FRMD4B: variants seen among roughly 807,000 people sequenced by gnomAD.
FRMD4B encodes FERM domain-containing protein 4B.
In FRMD4B, 74 loss-of-function variants were observed where a neutral mutation model predicts 141.5. That is an observed-to-expected ratio of 0.52 (90% CI 0.43 to 0.63). The LOEUF is 0.63. Among genes scored for constraint, FRMD4B ranks in the 30% least tolerant of loss-of-function variants. The pLI is 0.00. For missense variants in FRMD4B, 1,366 were observed against 1,253.4 expected (o/e 1.09, Z -1.36); for synonymous variants, 506 against 467.9 (o/e 1.08, Z -1.05).
chr3:69,172,059 G>T, intron 22 of FRMD4B, 78 bp from the exon 23 acceptor site: 4 of 1,372,536 alleles, frequency 2.9e-6, no homozygotes, highest in Non-Finnish European at 4.1e-6. Context: ...TACATTTAAA[G>T]AAGTTAGTAG....
chr3:69,517,601 C>T (rs984959838), intron 1 of FRMD4B, among the ~76,000 whole-genome samples: 6 of 152,078 alleles, frequency 3.9e-5, no homozygotes, highest in East Asian at 1.9e-4. Flanking sequence ...CCCCAAATAA[C>T]GGATTAATGC....
chr3:69,480,008 A>T (rs1706090128), intron 1 of FRMD4B, among the ~76,000 whole-genome samples: 1 of 152,210 alleles, frequency 6.6e-6, no homozygotes, highest in East Asian at 1.9e-4. Context: ...TCTGCTCCTG[A>T]GGCTTCTGCA....
intron 2 of FRMD4B, among the ~76,000 whole-genome samples, chr3:69,417,747 C>T (rs949157002): frequency 6.6e-6 from 1 of 152,092 alleles, no homozygotes; most frequent in East Asian, 1.9e-4. Context: ...TTAAAATGGC[C>T]GAAATTTATC....
chr3:69,420,305 A>AAAAAC (rs397969011), intron 2 of FRMD4B, among the ~76,000 whole-genome samples: 7 of 150,966 alleles, frequency 4.6e-5, no homozygotes, highest in African/African-American at 1.7e-4. Flanking sequence ...AAAAAAAAAA[A>AAAAAC]CAACCAAAAC....
chr3:69,394,296 C>T (rs1247085834), intron 2 of FRMD4B, among the ~76,000 whole-genome samples: 1 of 152,222 alleles, frequency 6.6e-6, no homozygotes, highest in East Asian at 1.9e-4. Flanking sequence ...ACGGCCTTAT[C>T]CAAGCCCAAT....
At chr3:69,495,409 C>G (rs1286780935) in intron 1 of FRMD4B, among the ~76,000 whole-genome samples, 1 of 152,240 alleles carries the variant, frequency 6.6e-6, no homozygotes, top group East Asian at 1.9e-4. Flanking sequence ...GTTGGCTGCA[C>G]AAATACACCA....
At chr3:69,364,841 T>C (rs17005687) in intron 1 of FRMD4B, among the ~76,000 whole-genome samples, 33,449 of 151,748 alleles carry the variant, frequency 0.22, 4,615 homozygotes, top group African/African-American at 0.39. Flanking sequence ...AGCATTCTGT[T>C]CTCCTACCCC....
intron 1 of FRMD4B, among the ~76,000 whole-genome samples, chr3:69,344,992 G>A (rs1266505740): frequency 6.9e-6 from 1 of 145,836 alleles, no homozygotes; most frequent in Non-Finnish European, 1.5e-5. Context: ...AGTGGGTGCA[G>A]GACAGTGGGT....
At chr3:69,216,429 C>CT (rs397990009) in intron 10 of FRMD4B, 80 bp from the exon 11 acceptor site, 41,035 of 374,646 alleles carry the variant, frequency 0.11, 55 homozygotes, top group South Asian at 0.17. Context: ...AATTTCACCT[C>CT]TTTTTTTTTT....
chr3:69,200,611 T>C, intron 11 of FRMD4B: 2 of 1,195,372 alleles, frequency 1.7e-6, no homozygotes, highest in Non-Finnish European at 2.1e-6. Context: ...GAGTGACACC[T>C]CCCTAATTCT....
chr3:69,239,238 A>G (rs1421278107), intron 7 of FRMD4B, among the ~76,000 whole-genome samples: 3 of 152,156 alleles, frequency 2.0e-5, no homozygotes, highest in Admixed American at 6.5e-5. Context: ...TTTTCTCAGC[A>G]TTCTACCAAA....
At chr3:69,198,313 G>C (rs2092929300) in intron 12 of FRMD4B, 1 of 173,296 alleles carries the variant, frequency 5.8e-6, no homozygotes, top group African/African-American at 2.4e-5. Context: ...TAGCTAAGCA[G>C]CACATGAAAA....
intron 5 of FRMD4B, among the ~76,000 whole-genome samples, chr3:69,259,122 T>C (rs1575665288): frequency 6.6e-6 from 1 of 152,202 alleles, no homozygotes; most frequent in Admixed American, 6.5e-5. Flanking sequence ...TTCCCGTAAC[T>C]AGACCATCCC....
At chr3:69,230,672 T>C (rs111659223) in intron 7 of FRMD4B, among the ~76,000 whole-genome samples, 1,694 of 151,736 alleles carry the variant, frequency 0.011, 36 homozygotes, top group African/African-American at 0.039. Context: ...CGCTTGAACC[T>C]GGCAGGCAGA....
chr3:69,346,831 G>A (rs1399598215), intron 1 of FRMD4B, among the ~76,000 whole-genome samples: 12 of 152,102 alleles, frequency 7.9e-5, no homozygotes, highest in Non-Finnish European at 1.8e-4. Flanking sequence ...CCTGAAGGAA[G>A]CACTAAACAT....
chr3:69,265,254 C>CAAAAAAAAA (rs1170675639), intron 5 of FRMD4B, among the ~76,000 whole-genome samples: 2 of 8,418 alleles, frequency 2.4e-4, no homozygotes, highest in Admixed American at 2.5e-3. Context: ...GACTCCATCT[C>CAAAAAAAAA]AAAAAAAAAA....
At chr3:69,233,905 G>A (rs1433159443) in intron 7 of FRMD4B, among the ~76,000 whole-genome samples, 1 of 152,158 alleles carries the variant, frequency 6.6e-6, no homozygotes, top group Non-Finnish European at 1.5e-5. Context: ...TCAAGGTTCT[G>A]AACTACACTG....
intron 22 of FRMD4B, among the ~76,000 whole-genome samples, chr3:69,173,847 T>A (rs149102951): frequency 5.6e-4 from 85 of 152,294 alleles, no homozygotes; most frequent in African/African-American, 2.0e-3. Context: ...TGTTAACAGC[T>A]GCAATACTGG....
At chr3:69,366,728 G>A (rs775336390) in intron 1 of FRMD4B, among the ~76,000 whole-genome samples, 5 of 151,590 alleles carry the variant, frequency 3.3e-5, no homozygotes, top group Non-Finnish European at 7.4e-5. Flanking sequence ...TTTTTCAATA[G>A]TATTCATATC....
Sources: gnomAD v4.1 joint callset for allele counts (sites outside exome capture counted in the v4.1 genomes callset) on GRCh38, gnomAD v4.1.1 for gene constraint, MANE v1.5 for transcripts, NCBI Gene and HGNC (gene_info 2026-07-23, HGNC 2026-07-21) for gene names.